KCNN3: variants seen among roughly 807,000 people sequenced by gnomAD.
The protein encoded by KCNN3 is potassium calcium-activated channel subfamily N member 3, also known as small conductance calcium-activated potassium channel protein 3.
A neutral mutation model predicts 62.9 loss-of-function variants in KCNN3; 16 were observed. The observed-to-expected ratio is 0.25, with a 90% CI of 0.17 to 0.39. KCNN3 has a LOEUF of 0.39. Ranked by LOEUF, KCNN3 falls within the 10% of genes least tolerant of loss-of-function variation. The pLI is 1.00. For missense variants in KCNN3, 599 were observed against 949.4 expected, an observed-to-expected ratio of 0.63 and a Z score of 4.85; for synonymous variants, 370 against 389.2, an observed-to-expected ratio of 0.95 and a Z score of 0.58.
Position 154,708,180 on chromosome 1 carries a change from C to T in KCNN3, c.1992G>A (p.Glu664=). 2 of 1,613,732 alleles carry T rather than the reference C, an allele frequency of 1.2e-6. No individual in the cohort carries two copies. The highest frequency in any genetic ancestry group is 8.5e-7 in the Non-Finnish European group (1 of 1,179,964). The change falls in exon 8 of 8, where the codon GAG becomes GAA. Residue 664 remains glutamate, a synonymous_variant. Transcript: ENST00000271915. ...GGGAGTTGAAGCTGGCGGTGAGATG[C>T]TCCAGCTTCGACTCCAGGCTGCCAA... ...KQIGSLESKL[E]HLTASFNSLP...
chr1:154,788,766 T>C (rs1649389809), intron 2 of KCNN3, among the ~76,000 whole-genome samples: 1 of 152,232 alleles, frequency 6.6e-6, no homozygotes, highest in Admixed American at 6.5e-5. Flanking sequence ...AACAAATACT[T>C]AACACAGCGT....
chr1:154,708,876 G>C (rs1462332967), intron 7 of KCNN3, among the ~76,000 whole-genome samples: 1 of 152,212 alleles, frequency 6.6e-6, no homozygotes, highest in Non-Finnish European at 1.5e-5. Flanking sequence ...CTCAGGCACA[G>C]TGCTTAGCCA....
At chr1:154,754,239 C>A (rs1222153936) in intron 3 of KCNN3, among the ~76,000 whole-genome samples, 1 of 152,110 alleles carries the variant, frequency 6.6e-6, no homozygotes, top group African/African-American at 2.4e-5. Context: ...AAAGCTACTT[C>A]TGTAAACTGG....
chr1:154,857,890 G>T (rs1652601558), intron 1 of KCNN3, among the ~76,000 whole-genome samples: 1 of 152,138 alleles, frequency 6.6e-6, no homozygotes, highest in Admixed American at 6.5e-5. Context: ...TGTTGCTTTG[G>T]AGTCATTCTT....
chr1:154,825,364 ATTT>A (rs56768657), intron 1 of KCNN3, among the ~76,000 whole-genome samples: 62 of 118,268 alleles, frequency 5.2e-4, no homozygotes, highest in Admixed American at 3.3e-3. Flanking sequence ...GATGAGAATC[ATTT>A]TTTTTTTTTT....
intron 1 of KCNN3, among the ~76,000 whole-genome samples, chr1:154,850,262 T>C (rs896854017): frequency 6.6e-6 from 1 of 152,106 alleles, no homozygotes; most frequent in Non-Finnish European, 1.5e-5. Context: ...ATCACCCCAA[T>C]GAAACAGATA....
chr1:154,807,590 G>A (rs931418169), intron 2 of KCNN3, among the ~76,000 whole-genome samples: 18 of 152,200 alleles, frequency 1.2e-4, no homozygotes, highest in African/African-American at 4.3e-4. Context: ...TCCCTGCCTG[G>A]GGGAGAAGCT....
chr1:154,733,422 T>C (rs1173929108), intron 3 of KCNN3, among the ~76,000 whole-genome samples: 1 of 152,160 alleles, frequency 6.6e-6, no homozygotes, highest in Non-Finnish European at 1.5e-5. Flanking sequence ...GACATCCTTT[T>C]AGTGTTGGTA....
intron 2 of KCNN3, among the ~76,000 whole-genome samples, chr1:154,773,908 C>A (rs1292104513): frequency 6.6e-6 from 1 of 152,200 alleles, no homozygotes; most frequent in Non-Finnish European, 1.5e-5. Flanking sequence ...GAGAAGGGGG[C>A]AGCAAGTGTT....
chr1:154,802,945 G>A (rs907820740), intron 2 of KCNN3, among the ~76,000 whole-genome samples: 1 of 152,204 alleles, frequency 6.6e-6, no homozygotes, highest in East Asian at 1.9e-4. Flanking sequence ...TTGGAGGGGA[G>A]AGGCTCTCTG....
chr1:154,772,726 C>T lies in KCNN3; in HGVS notation c.1030-333G>A, dbSNP rs1014071119. Reference sequence around the variant, plus strand: ...CCTGGTTTAGGCACAGTTCCCAAAACGCTCGGAATTTCCAAAGTGATAAGT... The same window carrying T: ...CCTGGTTTAGGCACAGTTCCCAAAATGCTCGGAATTTCCAAAGTGATAAGT... On this transcript the variant is annotated intron_variant, in intron 2 of 7. Coordinates refer to ENST00000271915, the MANE Select transcript of KCNN3 (RefSeq NM_002249.6). The surrounding 1 kb of genome is among the most constrained non-coding windows in gnomAD (Gnocchi z 5.6). Among the ~76,000 whole-genome samples, 11 of 152,140 alleles carry T rather than the reference C, an allele frequency of 7.2e-5. No individual in the cohort carries two copies. Among genetic ancestry groups the T allele is most frequent in the African/African-American group, 9.7e-5 (4 of 41,414 alleles).
At position 154,698,115 on chromosome 1, in the gene KCNN3, GAAAACATTTTTT is replaced by G. The variant is rs1428615172; in HGVS notation, c.*9849_*9860del. On this transcript the variant is annotated 3_prime_UTR_variant, in exon 8 of 8. Transcript: ENST00000271915. ...TAGAAATGCAGCTAGATATATTTTT[GAAAACATTTTTT>G]AGGTCTACCAACTTAGAAAAAGTCC... The G allele has an allele frequency of 6.6e-6, 1 of 152,110 alleles. No individual in the cohort carries two copies. Among genetic ancestry groups the G allele is most frequent in the Non-Finnish European group, 1.5e-5 (1 of 68,002 alleles). 9.4% of individuals were successfully genotyped at this position (152,110 alleles called of 1,614,324 possible).
Position 154,707,566 on chromosome 1 carries a change from GCC to G in KCNN3, c.*408_*409del, listed in dbSNP as rs1313529482. 6.0e-6 allele frequency: 1 copy of G among 167,536 alleles called. No individual in the cohort carries two copies. The highest frequency in any genetic ancestry group is 2.4e-5 in the African/African-American group (1 of 41,650). 10.4% of individuals were successfully genotyped at this position (167,536 alleles called of 1,614,324 possible). On this transcript the variant is annotated 3_prime_UTR_variant, in exon 8 of 8. Transcript: ENST00000271915. ...TGTTCAAAGACCCCCATGGCGAAGA[GCC>G]CATCCCCCAAGCCTGACACAACCCT...
chr1:154,868,442 G>T (rs1049316502), intron 1 of KCNN3: 3 of 740,456 alleles, frequency 4.1e-6, no homozygotes, highest in African/African-American at 3.8e-5. Flanking sequence ...GAGGGAAACA[G>T]AAACTTGGGA....
chr1:154,759,245 C>A (rs988563706), intron 3 of KCNN3, among the ~76,000 whole-genome samples: 1 of 152,216 alleles, frequency 6.6e-6, no homozygotes, highest in Non-Finnish European at 1.5e-5. Context: ...TGAAGAGCTG[C>A]GCTCCTGAGA....
chr1:154,867,868 T>A, intron 1 of KCNN3: 1 of 798,794 alleles, frequency 1.3e-6, no homozygotes, highest in Non-Finnish European at 1.5e-6. Flanking sequence ...GAGCCACTTG[T>A]CCACCGATTC....
At chr1:154,822,795 G>A (rs570232325) in intron 1 of KCNN3, among the ~76,000 whole-genome samples, 1 of 152,224 alleles carries the variant, frequency 6.6e-6, no homozygotes, top group Non-Finnish European at 1.5e-5. Flanking sequence ...GTCCTGGCAG[G>A]AGAAGTACCC....
chr1:154,714,791 T>A, intron 6 of KCNN3, 85 bp downstream of exon 6: 1 of 1,558,048 alleles, frequency 6.4e-7, no homozygotes, highest in South Asian at 1.1e-5. Context: ...CAGAATGGAT[T>A]TCTTCTGTGC....
At chr1:154,735,651 G>A (rs919516385) in intron 3 of KCNN3, among the ~76,000 whole-genome samples, 2 of 152,186 alleles carry the variant, frequency 1.3e-5, no homozygotes, top group South Asian at 4.1e-4. Flanking sequence ...ACCCCTGACC[G>A]TGACCCAGCG....
Sources: allele counts gnomAD v4.1 joint callset (sites outside exome capture counted in the v4.1 genomes callset), GRCh38; gene constraint gnomAD v4.1.1; non-coding constraint Gnocchi (gnomAD v3.1); transcripts MANE v1.5; gene names NCBI Gene and HGNC (gene_info 2026-07-23, HGNC 2026-07-21).